CNRIP1: variants seen among roughly 807,000 people sequenced by gnomAD.
CNRIP1 encodes the protein CB1 cannabinoid receptor-interacting protein 1.
In CNRIP1, 10 loss-of-function variants were observed where a neutral mutation model predicts 15.2. The ratio of observed to expected loss-of-function variants is 0.66; its 90% confidence interval spans 0.41 to 1.12. The LOEUF (loss-of-function observed/expected upper bound fraction) is 1.12, where lower values mean the gene tolerates loss of function less well. Among genes scored for constraint, CNRIP1 ranks in the 50% most tolerant of loss-of-function variants. The probability of loss-of-function intolerance (pLI) is 0.00; values close to 1 mark genes in which losing one functional copy is unlikely to be tolerated. For missense variants in CNRIP1, 211 were observed against 214.7 expected, an observed-to-expected ratio of 0.98 and a Z score of 0.11; for synonymous variants, 91 against 83.2, an observed-to-expected ratio of 1.09 and a Z score of -0.51.
intron 1 of CNRIP1, 95 bp from the exon 2 acceptor site, chr2:68,317,402 T>C (rs1367319467): frequency 7.5e-7 from 1 of 1,341,122 alleles, no homozygotes; most frequent in African/African-American, 1.4e-5. Context: ...ACTTACAGGG[T>C]TTCACTAAGG....
chr2:68,293,059 A>AT lies in CNRIP1; in HGVS notation c.*802dup. The AT allele has an allele frequency of 1.0e-6, 1 of 985,464 alleles. No individual in the cohort carries two copies. Among genetic ancestry groups the AT allele is most frequent in the Non-Finnish European group, 1.2e-6 (1 of 829,930 alleles). The allele number at this position is 985,464 out of a possible 1,614,324, so 61.0% of individuals were successfully genotyped here. A position where few individuals can be genotyped will look rare whatever the true frequency, so the allele number is the denominator to read the frequency against. The stretch of plus-strand genomic sequence containing the variant: ...AATATCAAAAGTTGATTACAGGTCC[A>AT]TATGCAGTTTTACAAAGTTCAAGTG... On this transcript the variant is annotated 3_prime_UTR_variant, in exon 3 of 3. Coordinates refer to ENST00000263655, the MANE Select transcript of CNRIP1 (RefSeq NM_015463.3).
intron 2 of CNRIP1, among the ~76,000 whole-genome samples, chr2:68,303,928 A>T (rs1671710611): frequency 6.6e-6 from 1 of 152,158 alleles, no homozygotes; most frequent in Admixed American, 6.5e-5. Flanking sequence ...AATACAAAAA[A>T]TTAGCTGGGT....
chr2:68,295,072 C>T (rs940847814), intron 2 of CNRIP1, among the ~76,000 whole-genome samples: 1 of 152,178 alleles, frequency 6.6e-6, no homozygotes, highest in Non-Finnish European at 1.5e-5. Flanking sequence ...CATTAAACTG[C>T]ATGATGCCTG....
chr2:68,300,804 A>G (rs755393382), intron 2 of CNRIP1, among the ~76,000 whole-genome samples: 1 of 152,218 alleles, frequency 6.6e-6, no homozygotes, highest in Non-Finnish European at 1.5e-5. Context: ...GGACATCACC[A>G]TGGATCCTAC....
In CNRIP1 at chr2:68,293,749, AG is replaced by A; in HGVS notation, c.*112del. ...AAATAACCAGGGCTAGTAGGTCATTAGTACCAGATGGGGAACAGCAATGGTG... is the reference window on the plus strand; with the variant it reads ...AAATAACCAGGGCTAGTAGGTCATTATACCAGATGGGGAACAGCAATGGTG... On this transcript the variant is annotated 3_prime_UTR_variant, in exon 3 of 3. Transcript: ENST00000263655. 1 of 1,503,560 alleles carries A rather than the reference AG, an allele frequency of 6.7e-7. No homozygotes were observed. The highest frequency in any genetic ancestry group is 2.3e-5 in the East Asian group (1 of 43,714). The allele number at this position is 1,503,560 out of a possible 1,614,324, so 93.1% of individuals were successfully genotyped here. A position where few individuals can be genotyped will look rare whatever the true frequency, so the allele number is the denominator to read the frequency against.
downstream of CNRIP1, among the ~76,000 whole-genome samples, chr2:68,290,217 G>A (rs1296095659): frequency 1.3e-5 from 2 of 151,490 alleles, no homozygotes; most frequent in East Asian, 1.9e-4. Flanking sequence ...TAGTAGAGAC[G>A]GGGTTTTGCC....
At chr2:68,284,195 A>G (rs1481200037) in exon 3 of CNRIP1, 3 of 330,688 alleles carry the variant, frequency 9.1e-6, no homozygotes, top group Non-Finnish European at 1.6e-5. Context: ...CTTTAATATG[A>G]TAAGAATCAC....
intron 2 of CNRIP1, among the ~76,000 whole-genome samples, chr2:68,309,112 T>A (rs1671979197): frequency 6.6e-6 from 1 of 152,222 alleles, no homozygotes; most frequent in African/African-American, 2.4e-5. Context: ...AGCTATTTCT[T>A]AGAGCAAACT....
At chr2:68,307,708 T>C (rs146348901) in intron 2 of CNRIP1, among the ~76,000 whole-genome samples, 108 of 152,312 alleles carry the variant, frequency 7.1e-4, no homozygotes, top group African/African-American at 2.5e-3. Context: ...ATGTTAGATA[T>C]GTCAGTTGCC....
intron 2 of CNRIP1, among the ~76,000 whole-genome samples, chr2:68,313,069 A>T (rs1032010276): frequency 7.9e-5 from 12 of 152,270 alleles, no homozygotes; most frequent in Admixed American, 3.3e-4. Context: ...AAGGACCTAG[A>T]TTAAGCAAAA....
chr2:68,289,423 CTTTAG>C (rs895231384), downstream of CNRIP1, among the ~76,000 whole-genome samples: 1 of 151,872 alleles, frequency 6.6e-6, no homozygotes, highest in African/African-American at 2.4e-5. Context: ...TTTTAAACTC[CTTTAG>C]TTTTTCTCTT....
At chr2:68,285,627 A>G (rs1671008779) in intron 2 of CNRIP1, among the ~76,000 whole-genome samples, 1 of 142,750 alleles carries the variant, frequency 7.0e-6, no homozygotes, top group African/African-American at 2.6e-5. Flanking sequence ...GCACTCCAGC[A>G]TGGGCTGTTA....
intron 2 of CNRIP1, among the ~76,000 whole-genome samples, chr2:68,301,753 G>A (rs545984408): frequency 2.6e-5 from 4 of 152,000 alleles, no homozygotes; most frequent in East Asian, 1.9e-4. Context: ...TTGGCCCAGC[G>A]TGGTGGCAGG....
At chr2:68,295,832 A>G (rs767884122) in intron 2 of CNRIP1, among the ~76,000 whole-genome samples, 6 of 152,206 alleles carry the variant, frequency 3.9e-5, no homozygotes, top group Admixed American at 6.5e-5. Flanking sequence ...GGCTGTACAT[A>G]TATGTTGGTC....
chr2:68,306,876 C>A (rs1014110661), intron 2 of CNRIP1, among the ~76,000 whole-genome samples: 2 of 151,974 alleles, frequency 1.3e-5, no homozygotes, highest in African/African-American at 4.8e-5. Flanking sequence ...TTTACAATCA[C>A]ACCAAACAGG....
At chr2:68,284,490 A>G in intron 2 of CNRIP1, 1 of 1,534,118 alleles carries the variant, frequency 6.5e-7, no homozygotes, top group Non-Finnish European at 8.8e-7. Flanking sequence ...CACTCCTGAA[A>G]ATAAATAGAT....
Position 68,293,360 on chromosome 2 carries a change from T to C in CNRIP1, c.*502A>G. The stretch of plus-strand genomic sequence containing the variant: ...AGCACAACATTTGAGTCCCATTCAC[T>C]GCTGTTTGTATTACATTTTCACAAA... On this transcript the variant is annotated 3_prime_UTR_variant, in exon 3 of 3. Coordinates refer to ENST00000263655, the MANE Select transcript of CNRIP1 (RefSeq NM_015463.3). 1 of 986,856 alleles carries C rather than the reference T, an allele frequency of 1.0e-6. No individual in the cohort carries two copies. Among genetic ancestry groups the C allele is most frequent in the Non-Finnish European group, 1.2e-6 (1 of 830,782 alleles). 61.1% of individuals were successfully genotyped at this position (986,856 alleles called of 1,614,324 possible).
chr2:68,302,845 CTTTTT>C (rs1214086385), intron 2 of CNRIP1, among the ~76,000 whole-genome samples: 1 of 126,274 alleles, frequency 7.9e-6, no homozygotes, highest in Non-Finnish European at 1.6e-5. Flanking sequence ...ATTTGAAAAA[CTTTTT>C]TTTTTTTTTT....
At position 68,285,668 on chromosome 2, in the gene CNRIP1, A is replaced by AAAGAAAG. The variant is rs1553413240; in HGVS notation, c.331-1185_331-1184insCTTTCTT. Among the ~76,000 whole-genome samples the AAAGAAAG allele has an allele frequency of 3.5e-3, 440 of 124,458 alleles. 10 individuals are homozygous for AAAGAAAG. The East Asian group carries it at 0.086, about 24-fold the overall frequency. 81.6% of individuals were successfully genotyped at this position (124,458 alleles called of 152,430 possible). A position where few individuals can be genotyped will look rare whatever the true frequency, so the allele number is the denominator to read the frequency against. On this transcript the variant is annotated intron_variant, in intron 2 of 2. Coordinates refer to the CNRIP1 transcript ENST00000409559. ...CAAGACCCTGTCTCAAAAAAAAAAA[A>AAAGAAAG]AAAAGAAAAGAAAAGAAAAGAAAAG...
Sources: gnomAD v4.1 joint callset for allele counts (sites outside exome capture counted in the v4.1 genomes callset) on GRCh38, gnomAD v4.1.1 for gene constraint, MANE v1.5 for transcripts, NCBI Gene and HGNC (gene_info 2026-07-23, HGNC 2026-07-21) for gene names.